The following NTN1 variants were observed in gnomAD, a reference collection of about 807,000 sequenced individuals.
NTN1 encodes netrin-1.
In NTN1, 11 loss-of-function variants were observed where a neutral mutation model predicts 54.2. That is an observed-to-expected ratio of 0.20 (90% CI 0.13 to 0.34). The LOEUF is 0.34. Ranked by LOEUF, NTN1 falls within the 10% of genes least tolerant of loss-of-function variation. The pLI is 1.00. For synonymous variants in NTN1, 371 were observed against 382.0 expected, an observed-to-expected ratio of 0.97 and a Z score of 0.33; for missense variants, 740 against 893.1, an observed-to-expected ratio of 0.83 and a Z score of 2.18.
intron 2 of NTN1, among the ~76,000 whole-genome samples, chr17:9,084,607 T>C (rs2092084031): frequency 6.6e-6 from 1 of 151,618 alleles, no homozygotes; most frequent in Non-Finnish European, 1.5e-5. Context: ...TCCACAGCCT[T>C]CCTGTGGGCC....
intron 2 of NTN1, among the ~76,000 whole-genome samples, chr17:9,026,846 G>T (rs189736254): frequency 6.6e-6 from 1 of 152,214 alleles, no homozygotes; most frequent in Admixed American, 6.5e-5. Context: ...GTGACAGGTC[G>T]AGCTTATGAA....
chr17:9,139,194 C>T (rs1010810556), intron 2 of NTN1, among the ~76,000 whole-genome samples: 18 of 152,204 alleles, frequency 1.2e-4, no homozygotes, highest in African/African-American at 3.1e-4. Flanking sequence ...GCTTAGGAAT[C>T]GAGACATGTC....
intron 2 of NTN1, among the ~76,000 whole-genome samples, chr17:9,083,311 G>C (rs991869179): frequency 2.0e-5 from 3 of 152,180 alleles, no homozygotes; most frequent in Non-Finnish European, 4.4e-5. Context: ...GGCCAGGCTG[G>C]TCTCGAACTC....
intron 2 of NTN1, among the ~76,000 whole-genome samples, chr17:9,034,456 T>C (rs532380929): frequency 6.7e-6 from 1 of 148,216 alleles, no homozygotes; most frequent in Admixed American, 6.9e-5. Context: ...AGAGTCTTGC[T>C]CTGTCACCCA....
At chr17:9,194,911 C>T (rs7221329) in intron 5 of NTN1, among the ~76,000 whole-genome samples, 13,281 of 152,166 alleles carry the variant, frequency 0.087, 800 homozygotes, top group African/African-American at 0.16. Flanking sequence ...ACAAAAATGG[C>T]AATTTCCTAG....
At chr17:9,108,020 G>T (rs1309793948) in intron 2 of NTN1, among the ~76,000 whole-genome samples, 1 of 152,082 alleles carries the variant, frequency 6.6e-6, no homozygotes, top group African/African-American at 2.4e-5. Flanking sequence ...CAGGGGCTGT[G>T]GGCTCATGAC....
intron 3 of NTN1, among the ~76,000 whole-genome samples, chr17:9,164,456 A>C (rs201713403): frequency 3.7e-5 from 5 of 136,646 alleles, no homozygotes; most frequent in South Asian, 2.4e-4. Flanking sequence ...ATCTTGGGGG[A>C]AAAAAAAAAG....
At chr17:9,114,166 A>AATATATAT (rs34188198) in intron 2 of NTN1, among the ~76,000 whole-genome samples, 99 of 74,586 alleles carry the variant, frequency 1.3e-3, no homozygotes, top group African/African-American at 4.8e-3. Flanking sequence ...AAAAAAAAAA[A>AATATATAT]ATATATATAT....
chr17:9,214,007 C>CT (rs564944671), intron 5 of NTN1, among the ~76,000 whole-genome samples: 2,845 of 147,164 alleles, frequency 0.019, 43 homozygotes, highest in Non-Finnish European at 0.028. Flanking sequence ...AGTGTTTTGT[C>CT]TTTTTTTTTT....
intron 2 of NTN1, among the ~76,000 whole-genome samples, chr17:9,120,433 A>G (rs1024288208): frequency 4.6e-5 from 7 of 152,212 alleles, no homozygotes; most frequent in African/African-American, 1.2e-4. Context: ...TAAATGTCCA[A>G]GCGTGAGGGA....
At chr17:9,170,656 G>A (rs573472776) in intron 3 of NTN1, among the ~76,000 whole-genome samples, 3 of 152,250 alleles carry the variant, frequency 2.0e-5, no homozygotes, top group Admixed American at 1.3e-4. Flanking sequence ...AGGTGGGGGC[G>A]GGCTGTGCAC....
chr17:9,091,614 C>T (rs969524371), intron 2 of NTN1, among the ~76,000 whole-genome samples: 3 of 152,042 alleles, frequency 2.0e-5, no homozygotes, highest in East Asian at 3.9e-4. Flanking sequence ...CCACCACGCC[C>T]GGCTGATTTT....
chr17:9,203,951 C>T (rs371701718), intron 5 of NTN1, among the ~76,000 whole-genome samples: 4 of 152,186 alleles, frequency 2.6e-5, no homozygotes, highest in African/African-American at 9.6e-5. Context: ...GGGGCTCCTT[C>T]TTCAAAAGTT....
chr17:9,014,358 GA>G, the NTN1 span, among the ~76,000 whole-genome samples: 4,908 of 151,804 alleles, frequency 0.032, 237 homozygotes, highest in African/African-American at 0.11. Context: ...TTATACATAT[GA>G]AAAAAAGCAA....
At chr17:9,132,336 C>A (rs966417138) in intron 2 of NTN1, among the ~76,000 whole-genome samples, 1 of 152,206 alleles carries the variant, frequency 6.6e-6, no homozygotes, top group Admixed American at 6.5e-5. Flanking sequence ...GGAATGTCCT[C>A]ACTCCTGACA....
intron 2 of NTN1, among the ~76,000 whole-genome samples, chr17:9,072,514 C>T (rs1315956737): frequency 1.3e-5 from 2 of 152,116 alleles, no homozygotes; most frequent in Non-Finnish European, 2.9e-5. Context: ...GGAGGTGAAG[C>T]CCTTCAGGAA....
chr17:9,012,799 C>G, the NTN1 span, among the ~76,000 whole-genome samples: 1 of 152,202 alleles, frequency 6.6e-6, no homozygotes, highest in Admixed American at 6.5e-5. Context: ...TGGGTCAGCT[C>G]AGCCACCACA....
intron 2 of NTN1, among the ~76,000 whole-genome samples, chr17:9,047,536 C>T (rs904134890): frequency 4.6e-5 from 7 of 151,416 alleles, no homozygotes; most frequent in South Asian, 2.1e-4. Flanking sequence ...CATCTTCAGG[C>T]GCCACTTCTA....
At position 9,108,471 on chromosome 17, in the gene NTN1, T is replaced by G. The variant is rs138988893; in HGVS notation, c.1019-54342T>G. ...GGAGGGTTTTCGACTTTCTGGCCTTTGGATGCTGATCAAATAATCCACAGA... is the reference window on the plus strand; with the variant it reads ...GGAGGGTTTTCGACTTTCTGGCCTTGGGATGCTGATCAAATAATCCACAGA... On this transcript the variant is annotated intron_variant, in intron 2 of 6. Transcript: ENST00000173229. Among the ~76,000 whole-genome samples, 28 of 152,360 alleles carry G rather than the reference T, an allele frequency of 1.8e-4. 1 individual carries two copies. Among genetic ancestry groups the G allele is most frequent in the African/African-American group, 6.7e-4 (28 of 41,582 alleles).
Sources: gnomAD v4.1 joint callset for allele counts (sites outside exome capture counted in the v4.1 genomes callset) on GRCh38, gnomAD v4.1.1 for gene constraint, MANE v1.5 for transcripts, NCBI Gene and HGNC (gene_info 2026-07-23, HGNC 2026-07-21) for gene names.